Variants in CPVL observed in about 807,000 individuals in gnomAD.
The protein encoded by CPVL is carboxypeptidase vitellogenic like.
A neutral mutation model predicts 63.7 loss-of-function variants in CPVL; 51 were observed. That is an observed-to-expected ratio of 0.80 (90% confidence interval 0.64 to 1.01). The LOEUF is 1.01. Among genes scored for constraint, CPVL ranks in the 50% least tolerant of loss-of-function variants. The pLI, the probability that CPVL is intolerant of heterozygous loss-of-function variation, is 0.00. For synonymous variants in CPVL, 195 were observed against 206.0 expected, an observed-to-expected ratio of 0.95 and a Z score of 0.46; for missense variants, 530 against 573.1, an observed-to-expected ratio of 0.92 and a Z score of 0.77.
intron 1 of CPVL, among the ~76,000 whole-genome samples, chr7:29,127,772 C>G (rs187302177): frequency 1.3e-5 from 2 of 152,090 alleles, no homozygotes; most frequent in African/African-American, 4.8e-5. Context: ...AATGTCACAC[C>G]GAGGCTGAAA....
intron 1 of CPVL, among the ~76,000 whole-genome samples, chr7:29,143,740 T>C (rs1279664412): frequency 6.6e-6 from 1 of 152,170 alleles, no homozygotes; most frequent in East Asian, 1.9e-4. Context: ...TCCAACTATA[T>C]TGGAAAGATA....
chr7:29,042,879 C>T (rs117000624), intron 11 of CPVL, among the ~76,000 whole-genome samples: 2,528 of 152,282 alleles, frequency 0.017, 41 homozygotes, highest in Non-Finnish European at 0.023. Flanking sequence ...GGACAGTGGA[C>T]GGGGAGGCCC....
At chr7:29,149,746 G>A (rs1358871594), upstream of CPVL, among the ~76,000 whole-genome samples, 1 of 152,114 alleles carries the variant, frequency 6.6e-6, no homozygotes, top group Non-Finnish European at 1.5e-5. Context: ...AGCCCCAGGT[G>A]TTCCTTGGCT....
intron 7 of CPVL, among the ~76,000 whole-genome samples, chr7:29,082,072 ATTCAGC>A (rs2128590875): frequency 6.6e-6 from 1 of 152,368 alleles, no homozygotes; most frequent in East Asian, 1.9e-4. Context: ...CAGCAGCACT[ATTCAGC>A]TTTCCTAAGA....
intron 12 of CPVL, 146 bp from the exon 13 acceptor site, chr7:28,996,028 C>T: frequency 3.9e-6 from 2 of 517,636 alleles, no homozygotes; most frequent in Non-Finnish European, 6.6e-6. Context: ...GACAAGCTGC[C>T]TATCTGGCTG....
intron 12 of CPVL, among the ~76,000 whole-genome samples, chr7:29,016,667 A>C (rs1321879884): frequency 6.6e-6 from 1 of 152,144 alleles, no homozygotes; most frequent in Non-Finnish European, 1.5e-5. Flanking sequence ...GTCAAGGTGC[A>C]AGTCTTGGTG....
At chr7:29,001,362 T>C (rs184036758) in intron 12 of CPVL, 15 of 152,368 alleles carry the variant, frequency 9.8e-5, no homozygotes, top group African/African-American at 3.6e-4. Context: ...GAGAATCTGC[T>C]TGTTGTGGTT....
At chr7:29,070,887 T>A (rs551045216) in intron 9 of CPVL, among the ~76,000 whole-genome samples, 352 of 152,356 alleles carry the variant, frequency 2.3e-3, no homozygotes, top group Non-Finnish European at 3.3e-3. Context: ...TGATCTGCAA[T>A]GCCCTTAAGA....
intron 6 of CPVL, among the ~76,000 whole-genome samples, chr7:29,087,192 A>C (rs1785289108): frequency 6.6e-6 from 1 of 152,082 alleles, no homozygotes; most frequent in Non-Finnish European, 1.5e-5. Flanking sequence ...TTGGGAGGCT[A>C]AGGTGGGCGG....
rs144809033 is a variant in CPVL at position 29,032,755 on chromosome 7, A to G, written c.1138-1996T>C. Among the ~76,000 whole-genome samples the G allele has an allele frequency of 2.0e-5, 3 of 152,340 alleles. No homozygotes were observed. The East Asian group carries it at 5.8e-4, about 29-fold the overall frequency. On this transcript the variant is annotated intron_variant, in intron 11 of 12. Transcript: ENST00000265394. ...TCCATGGCCACTACAGGCAGCTTGC[A>G]TCTCTCATGTGTCTCCCACAGCTTT...
At chr7:29,163,437 T>C (rs1795473306) in intron 5 of CPVL, among the ~76,000 whole-genome samples, 1 of 152,198 alleles carries the variant, frequency 6.6e-6, no homozygotes, top group South Asian at 2.1e-4. Context: ...GTGATTCATA[T>C]TATATTTCTA....
chr7:29,138,731 T>C (rs1021256390), intron 1 of CPVL, among the ~76,000 whole-genome samples: 1 of 152,212 alleles, frequency 6.6e-6, no homozygotes, highest in Non-Finnish European at 1.5e-5. Context: ...TCCTTTTTTC[T>C]GAGCAACTGC....
At chr7:29,054,703 C>T (rs1790530531) in intron 11 of CPVL, among the ~76,000 whole-genome samples, 1 of 152,136 alleles carries the variant, frequency 6.6e-6, no homozygotes, top group South Asian at 2.1e-4. Context: ...TTAAAAATGG[C>T]TTTTTTTCAT....
intron 11 of CPVL, among the ~76,000 whole-genome samples, chr7:29,061,775 C>A (rs1299278246): frequency 6.6e-6 from 1 of 151,962 alleles, no homozygotes; most frequent in Non-Finnish European, 1.5e-5. Flanking sequence ...GGAGAAAACT[C>A]ATCTCTATTA....
chr7:29,146,160 C>G (rs183399303), intron 1 of CPVL: 1 of 159,266 alleles, frequency 6.3e-6, no homozygotes, highest in Admixed American at 6.2e-5. Context: ...CGGCTTCTAG[C>G]CTGGAAGAAC....
chr7:29,119,570 T>C (rs901561458), intron 2 of CPVL, among the ~76,000 whole-genome samples: 2 of 151,926 alleles, frequency 1.3e-5, no homozygotes, highest in African/African-American at 2.4e-5. Flanking sequence ...TTTTTTCCTA[T>C]TGGTAATAAC....
At chr7:29,104,602 G>A (rs1190341567) in intron 3 of CPVL, among the ~76,000 whole-genome samples, 2 of 152,190 alleles carry the variant, frequency 1.3e-5, no homozygotes, top group African/African-American at 2.4e-5. Context: ...GCATCATTCC[G>A]AAGCTCCTGA....
At chr7:29,148,079 C>T (rs1793017593), upstream of CPVL, among the ~76,000 whole-genome samples, 2 of 152,196 alleles carry the variant, frequency 1.3e-5, no homozygotes, top group Non-Finnish European at 2.9e-5. Context: ...GTATGAACAC[C>T]AGAGTCAGCA....
chr7:29,146,516 T>C lies in CPVL; in HGVS notation c.-98A>G. On this transcript the variant is annotated 5_prime_UTR_variant, in exon 1 of 13. Coordinates refer to ENST00000265394, the MANE Select transcript of CPVL (RefSeq NM_031311.5). ...CAGCGCTTCCCAAATCAGGCAGAAGTGAGGCAGCCCCACCCAGTCACGAGG... is the reference window on the plus strand; with the variant it reads ...CAGCGCTTCCCAAATCAGGCAGAAGCGAGGCAGCCCCACCCAGTCACGAGG... 1.4e-6 allele frequency: 2 copies of C among 1,475,842 alleles called. No homozygotes were observed. Among genetic ancestry groups the C allele is most frequent in the Admixed American group, 2.6e-5 (1 of 38,208 alleles). 91.4% of individuals were successfully genotyped at this position (1,475,842 alleles called of 1,614,324 possible).
Sources: gnomAD v4.1 joint callset for allele counts (sites outside exome capture counted in the v4.1 genomes callset) on GRCh38, gnomAD v4.1.1 for gene constraint, MANE v1.5 for transcripts, NCBI Gene and HGNC (gene_info 2026-07-23, HGNC 2026-07-21) for gene names.